Variants in MPDZ observed in about 807,000 individuals in gnomAD.
MPDZ encodes multiple PDZ domain protein.
Under a neutral mutation model 239.1 loss-of-function variants are expected in MPDZ, and 234 were observed. The ratio of observed to expected loss-of-function variants is 0.98; its 90% confidence interval spans 0.88 to 1.09. The LOEUF (loss-of-function observed/expected upper bound fraction) is 1.09. MPDZ is among the 50% of genes least tolerant of loss of function. The pLI, the probability that MPDZ is intolerant of heterozygous loss-of-function variation, is 0.00. For missense variants in MPDZ, 3,175 were observed against 2,510.0 expected (o/e 1.26, Z -5.66); for synonymous variants, 1,048 against 881.3 (o/e 1.19, Z -3.35).
At chr9:13,231,429 T>G (rs1355206158) in intron 3 of MPDZ, among the ~76,000 whole-genome samples, 1 of 152,028 alleles carries the variant, frequency 6.6e-6, no homozygotes, top group Admixed American at 6.6e-5. Context: ...TAGCTGAGCA[T>G]GGTTGTACGC....
chr9:13,106,977 C>T lies in MPDZ; in HGVS notation c.6201G>A (p.Met2067Ile), dbSNP rs747863706. Residue 2067 changes from methionine (M) to isoleucine (I), a missense_variant, in exon 47 of 47, where the codon ATG (methionine) becomes ATA (isoleucine). Coordinates refer to ENST00000319217, the MANE Select transcript of MPDZ (RefSeq NM_001378778.1). ...LKRTKGTVTL[M>I]VLS ...TCTGGCAGCCAATTCAAGAGAGAACCATCAAAGTGACAGTGCCTTTTGTCC... is the reference window on the plus strand; with the variant it reads ...TCTGGCAGCCAATTCAAGAGAGAACTATCAAAGTGACAGTGCCTTTTGTCC... 1.9e-6 allele frequency: 3 copies of T among 1,613,556 alleles called. No homozygotes were observed. The highest frequency in any genetic ancestry group is 2.5e-6 in the Non-Finnish European group (3 of 1,179,576).
At chr9:13,112,333 T>C (rs1175544088) in intron 42 of MPDZ, among the ~76,000 whole-genome samples, 187 bp from the exon 43 acceptor site, 1 of 152,198 alleles carries the variant, frequency 6.6e-6, no homozygotes, top group Admixed American at 6.5e-5. Context: ...AAAATAAGCA[T>C]CTGTTCAGGA....
intron 3 of MPDZ, among the ~76,000 whole-genome samples, chr9:13,244,551 G>A (rs1027490247): frequency 2.0e-5 from 3 of 152,108 alleles, no homozygotes; most frequent in Non-Finnish European, 4.4e-5. Flanking sequence ...ACACAATGTG[G>A]CAGAGTTAAA....
intron 12 of MPDZ, among the ~76,000 whole-genome samples, chr9:13,204,524 G>A (rs1382385598): frequency 6.6e-6 from 1 of 152,066 alleles, no homozygotes; most frequent in African/African-American, 2.4e-5. Flanking sequence ...TAATTTATCT[G>A]CAATTACCTT....
chr9:13,271,039 C>T (rs978190819), intron 1 of MPDZ, among the ~76,000 whole-genome samples: 1 of 152,122 alleles, frequency 6.6e-6, no homozygotes, highest in Non-Finnish European at 1.5e-5. Flanking sequence ...TGTGCTTAAA[C>T]TCTTCATACG....
intron 42 of MPDZ, among the ~76,000 whole-genome samples, chr9:13,112,631 A>G (rs1043415159): frequency 6.6e-6 from 1 of 152,240 alleles, no homozygotes; most frequent in African/African-American, 2.4e-5. Context: ...TCAGAACAAT[A>G]GTAAAAGCTC....
intron 25 of MPDZ, among the ~76,000 whole-genome samples, 199 bp downstream of exon 25, chr9:13,150,312 T>C (rs1948988534): frequency 6.6e-6 from 1 of 152,016 alleles, no homozygotes. Flanking sequence ...AAATAATTTA[T>C]CCACACACAC....
chr9:13,222,394 G>T lies in MPDZ; in HGVS notation c.586C>A (p.Leu196Ile). The change falls in exon 6 of 47, where the codon CTT (leucine) becomes ATT (isoleucine). Residue 196 changes from leucine to isoleucine, a missense_variant. Physicochemically the swap from Leu to Ile is conservative, Grantham distance 5 (BLOSUM62 2). Coordinates refer to ENST00000319217, the MANE Select transcript of MPDZ (RefSeq NM_001378778.1). ...DQILAINGQA[L>I]DQTITHQQAI... ...TGCTGATGTGTAATTGTCTGATCAA[G>T]AGCCTGTCCATTGATAGCAAGAATT... 1 of 1,612,806 alleles carries T rather than the reference G, an allele frequency of 6.2e-7. No homozygotes were observed. The highest frequency in any genetic ancestry group is 1.3e-5 in the African/African-American group (1 of 74,946).
At chr9:13,116,992 C>T (rs1198138606) in intron 39 of MPDZ, among the ~76,000 whole-genome samples, 3 of 151,960 alleles carry the variant, frequency 2.0e-5, no homozygotes, top group Non-Finnish European at 4.4e-5. Context: ...CCAGTGGATG[C>T]CTGACACTAT....
At chr9:13,246,069 A>G (rs1966522230) in intron 3 of MPDZ, among the ~76,000 whole-genome samples, 1 of 152,100 alleles carries the variant, frequency 6.6e-6, no homozygotes, top group Admixed American at 6.6e-5. Flanking sequence ...CTGAAAAAGC[A>G]GATAATTTCC....
chr9:13,133,458 T>C (rs767720069), intron 32 of MPDZ, among the ~76,000 whole-genome samples: 1 of 152,204 alleles, frequency 6.6e-6, no homozygotes, highest in Non-Finnish European at 1.5e-5. Context: ...ATAACTTCTG[T>C]TTCTTTATTT....
At chr9:13,112,910 G>C in intron 42 of MPDZ, 101 bp downstream of exon 42, 1 of 1,132,188 alleles carries the variant, frequency 8.8e-7, no homozygotes, top group Non-Finnish European at 1.3e-6. Flanking sequence ...CATACTTTTT[G>C]AGATGAATAC....
intron 10 of MPDZ, among the ~76,000 whole-genome samples, chr9:13,210,625 C>T (rs1023676393): frequency 6.6e-6 from 1 of 152,006 alleles, no homozygotes; most frequent in African/African-American, 2.4e-5. Context: ...GAGCTGCTCA[C>T]CTCCCTGACT....
chr9:13,252,118 G>T (rs1238505609), intron 1 of MPDZ, among the ~76,000 whole-genome samples: 2 of 152,126 alleles, frequency 1.3e-5, no homozygotes, highest in African/African-American at 4.8e-5. Context: ...CCAATGCCGA[G>T]CATTGCATTA....
In MPDZ at chr9:13,148,158, G is replaced by C. The variant is rs1948680378; in HGVS notation, c.3631-500C>G. 2.0e-5 allele frequency among the ~76,000 whole-genome samples: 3 copies of C among 152,060 alleles called. No homozygotes were observed. In the East Asian group the frequency reaches 5.8e-4, roughly 29 times the overall value. The stretch of plus-strand genomic sequence containing the variant: ...TCCAGAAAAATCAGATAATGGTAAG[G>C]TTAGTTTTGCAAAAGAATCCTTGCA... On this transcript the variant is annotated intron_variant, in intron 25 of 46. Coordinates refer to ENST00000319217, the MANE Select transcript of MPDZ (RefSeq NM_001378778.1).
At chr9:13,197,535 T>G (rs1299788192) in intron 12 of MPDZ, among the ~76,000 whole-genome samples, 1 of 152,180 alleles carries the variant, frequency 6.6e-6, no homozygotes, top group Admixed American at 6.6e-5. Flanking sequence ...GATACATGTA[T>G]ATAATGTGTA....
At position 13,255,660 on chromosome 9, in the gene MPDZ, T is replaced by C. The variant is rs140801488; in HGVS notation, c.-57-5288A>G. ...AACCAGATGCCTTGTCAATGAGCAGTAATATATTTTATAAGAACCTTTTTC... is the reference window on the plus strand; with the variant it reads ...AACCAGATGCCTTGTCAATGAGCAGCAATATATTTTATAAGAACCTTTTTC... On this transcript the variant is annotated intron_variant, in intron 1 of 46. Transcript: ENST00000319217. Among the ~76,000 whole-genome samples, 373 of 152,310 alleles carry C rather than the reference T, an allele frequency of 2.4e-3. 1 individual carries two copies. Among genetic ancestry groups the C allele is most frequent in the African/African-American group, 8.6e-3 (357 of 41,576 alleles).
chr9:13,130,129 C>T (rs2131979628), intron 32 of MPDZ, among the ~76,000 whole-genome samples: 2 of 152,182 alleles, frequency 1.3e-5, no homozygotes, highest in South Asian at 4.1e-4. Context: ...CAAACTGTGT[C>T]AAAAATAAAT....
chr9:13,126,468 G>T, intron 34 of MPDZ, 48 bp downstream of exon 34: 1 of 1,293,774 alleles, frequency 7.7e-7, no homozygotes, highest in Non-Finnish European at 1.1e-6. Context: ...CTTTAATCAT[G>T]CCCAAGGATG....
Sources: gnomAD v4.1 joint callset for allele counts (sites outside exome capture counted in the v4.1 genomes callset) on GRCh38, gnomAD v4.1.1 for gene constraint, MANE v1.5 for transcripts, NCBI Gene and HGNC (gene_info 2026-07-23, HGNC 2026-07-21) for gene names.